THBS3: variants seen among roughly 807,000 people sequenced by gnomAD.
The protein encoded by THBS3 is thrombospondin 3.
A neutral mutation model predicts 118.3 loss-of-function variants in THBS3; 78 were observed. The observed-to-expected ratio is 0.66, with a 90% CI of 0.55 to 0.80. THBS3 has a LOEUF of 0.80. Among genes scored for constraint, THBS3 ranks in the 30% least tolerant of loss-of-function variants. The pLI is 0.00. For synonymous variants in THBS3, 427 were observed against 475.3 expected (o/e 0.90, Z 1.32); for missense variants, 1,057 against 1,247.4 (o/e 0.85, Z 2.30).
intron 17 of THBS3, 94 bp from the exon 18 acceptor site, chr1:155,198,314 C>T (rs1345846588): frequency 4.4e-6 from 7 of 1,585,820 alleles, no homozygotes; most frequent in African/African-American, 1.3e-5. Context: ...GACATCTTTC[C>T]CCACCTTGCC....
Position 155,206,350 on chromosome 1 carries a change from T to A in THBS3, c.136A>T (p.Ile46Phe). ...CCAGCAGTGAGCAAGGCTGTCCGGATCTTCTCTGCCACAGCTACCATCTGC... is the reference window on the plus strand; with the variant it reads ...CCAGCAGTGAGCAAGGCTGTCCGGAACTTCTCTGCCACAGCTACCATCTGC... ...SRQMVAVAEK[I>F]RTALLTAGDI... Residue 46 changes from isoleucine (I) to phenylalanine (F), a missense_variant, in exon 2 of 23, where the codon ATC becomes TTC. Physicochemically the swap from Ile to Phe is conservative, Grantham distance 21. This residue lies in a region of THBS3 where 206 missense variants were observed against 205.7 expected (regional missense o/e 1.00). Coordinates refer to ENST00000368378, the MANE Select transcript of THBS3 (RefSeq NM_007112.5). The surrounding 1 kb of genome is among the most constrained non-coding windows in gnomAD (Gnocchi z 4.2). 1 of 1,614,110 alleles carries A rather than the reference T, an allele frequency of 6.2e-7. No homozygotes were observed. Among genetic ancestry groups the A allele is most frequent in the Non-Finnish European group, 8.5e-7 (1 of 1,179,972 alleles).
chr1:155,197,684 CA>C lies in THBS3; in HGVS notation c.2303-26del, dbSNP rs770512306. ...CCTGGGGTGGGGGTGGGATAAAGGT[CA>C]GGGGCAGCAAAGCTACTGGCGGCCC... is the stretch of plus-strand genomic sequence containing the variant. On this transcript the variant is annotated intron_variant, in intron 19 of 22. Transcript: ENST00000368378. This position sits in a 1 kb window ranked among gnomAD's most constrained non-coding sequence, Gnocchi z 5.0. The C allele has an allele frequency of 6.2e-6, 10 of 1,608,700 alleles. No individual in the cohort carries two copies. Among genetic ancestry groups the C allele is most frequent in the Non-Finnish European group, 8.5e-6 (10 of 1,175,692 alleles).
intron 5 of THBS3, 96 bp downstream of exon 5, chr1:155,203,417 T>C: frequency 6.3e-7 from 1 of 1,590,078 alleles, no homozygotes; most frequent in Non-Finnish European, 8.6e-7. Flanking sequence ...TTAAACCTAC[T>C]ACATTCCTGA....
chr1:155,198,819 G>A (rs2147930769), intron 16 of THBS3: 2 of 552,370 alleles, frequency 3.6e-6, no homozygotes, highest in East Asian at 3.0e-5. Context: ...ATCATAGAAG[G>A]AATTTAGAAT....
intron 10 of THBS3, 89 bp downstream of exon 10, chr1:155,201,868 G>A: frequency 2.5e-6 from 4 of 1,577,040 alleles, no homozygotes; most frequent in Non-Finnish European, 2.6e-6. Context: ...AGGAGGAAAG[G>A]CAGCAGGAAA....
chr1:155,200,587 G>A lies in THBS3; in HGVS notation c.1572C>T (p.Asn524=). Residue 524 remains asparagine (N), a synonymous_variant, in exon 14 of 23, where the codon AAC becomes AAT. Transcript: ENST00000368378. ...CTGTATCTGAGTTCTGCTGGTCTTTGTTGGGGAACAGCCGGCAGTTGTCCT... is the reference window on the plus strand; with the variant it reads ...CTGTATCTGAGTTCTGCTGGTCTTTATTGGGGAACAGCCGGCAGTTGTCCT... The part of the protein sequence containing the change: ...NVEDNCRLFP[N]KDQQNSDTDS... 1 of 1,614,128 alleles carries A rather than the reference G, an allele frequency of 6.2e-7. No individual in the cohort carries two copies. Among genetic ancestry groups the A allele is most frequent in the Non-Finnish European group, 8.5e-7 (1 of 1,180,004 alleles).
intron 1 of THBS3, among the ~76,000 whole-genome samples, chr1:155,207,379 C>T (rs1177302946): frequency 1.3e-5 from 2 of 152,348 alleles, no homozygotes; most frequent in African/African-American, 2.4e-5. Flanking sequence ...ACCAGACCTC[C>T]GGGAGAGCCC....
Position 155,202,092 on chromosome 1 carries a change from AGAG to A in THBS3, c.1099-61_1099-59del, listed in dbSNP as rs1402780585. 1 of 1,613,710 alleles carries A rather than the reference AGAG, an allele frequency of 6.2e-7. No homozygotes were observed. Among genetic ancestry groups the A allele is most frequent in the Non-Finnish European group, 8.5e-7 (1 of 1,179,924 alleles). The stretch of plus-strand genomic sequence containing the variant: ...TATGGTGGGTCTCCTCAGATACAGC[AGAG>A]GACACTGGTATGGCCTTATCTGTGA... On this transcript the variant is annotated intron_variant, in intron 9 of 22. Coordinates refer to ENST00000368378, the MANE Select transcript of THBS3 (RefSeq NM_007112.5). The surrounding 1 kb of genome is among the most constrained non-coding windows in gnomAD (Gnocchi z 5.5).
intron 2 of THBS3, chr1:155,205,524 T>G (rs1485495798): frequency 1.5e-6 from 1 of 661,352 alleles, no homozygotes; most frequent in Non-Finnish European, 2.5e-6. Flanking sequence ...ACACCTGTAA[T>G]CCCAGCACTT....
Position 155,205,131 on chromosome 1 carries a change from C to A in THBS3, c.472G>T (p.Ala158Ser). Reference sequence around the variant, plus strand: ...TCGACCTCCGCTGGAGGAATGGGGGCCAGTGCTGGAAGGCCTGCATGTTGG... The same window carrying A: ...TCGACCTCCGCTGGAGGAATGGGGGACAGTGCTGGAAGGCCTGCATGTTGG... ...GDQHAGLPAL[A>S]PIPPAEVDGL... is the part of the protein sequence containing the mutation. Residue 158 changes from alanine to serine, a missense_variant, in exon 3 of 23, where the codon GCC (alanine) becomes TCC (serine). This residue lies in a region of THBS3 where 206 missense variants were observed against 205.7 expected (regional missense o/e 1.00). Coordinates refer to ENST00000368378, the MANE Select transcript of THBS3 (RefSeq NM_007112.5). 6.2e-7 allele frequency: 1 copy of A among 1,614,168 alleles called. No individual in the cohort carries two copies. Among genetic ancestry groups the A allele is most frequent in the Non-Finnish European group, 8.5e-7 (1 of 1,180,052 alleles).
chr1:155,197,827 C>T lies in THBS3; in HGVS notation c.2302+53G>A. The T allele has an allele frequency of 6.2e-7, 1 of 1,612,514 alleles. No individual in the cohort carries two copies. Among genetic ancestry groups the T allele is most frequent in the Non-Finnish European group, 8.5e-7 (1 of 1,178,708 alleles). ...GTCTGTTTCCTCCCCTACCCTCTGC[C>T]CCTATAGGATTCCTCCATTTGGAAG... On this transcript the variant is annotated intron_variant, in intron 19 of 22. Transcript: ENST00000368378. This position sits in a 1 kb window ranked among gnomAD's most constrained non-coding sequence, Gnocchi z 5.0.
At chr1:155,195,940 T>C (rs752226695) in intron 22 of THBS3, 41 bp from the exon 23 acceptor site, 1 of 1,614,168 alleles carries the variant, frequency 6.2e-7, no homozygotes, top group Non-Finnish European at 8.5e-7. Flanking sequence ...GATGTGGCTC[T>C]CCCACAAGGC....
chr1:155,203,230 C>G lies in THBS3; in HGVS notation c.749G>C (p.Arg250Pro), dbSNP rs144852544. Reference sequence around the variant, plus strand: ...TCGCCAGCCCACCCAAACCTGGTCTCGTATATCATCCCGCAGCTCCACCAG... The same window carrying G: ...TCGCCAGCCCACCCAAACCTGGTCTGGTATATCATCCCGCAGCTCCACCAG... ...QILVELRDDI[R>P]DQVKEMSLIR... Residue 250 changes from arginine (R) to proline (P), a missense_variant, in exon 6 of 23, where the codon CGA (arginine) becomes CCA (proline). By Grantham distance (103) the Arg-to-Pro change is moderately radical (BLOSUM62 -2). Transcript: ENST00000368378. The G allele has an allele frequency of 2.5e-6, 4 of 1,614,058 alleles. No homozygotes were observed. Among genetic ancestry groups the G allele is most frequent in the Non-Finnish European group, 3.4e-6 (4 of 1,180,038 alleles).
chr1:155,204,220 C>T lies in THBS3; in HGVS notation c.646+635G>A, dbSNP rs1292019272. On this transcript the variant is annotated intron_variant, in intron 4 of 22. Transcript: ENST00000368378. ...TATTTAGGTGAGAGCTTCTGAACAT[C>T]CCTGTCAGAGAGACCAGGCAGATGG... Among the ~76,000 whole-genome samples the T allele has an allele frequency of 2.6e-5, 4 of 152,190 alleles. No homozygotes were observed. In the East Asian group the frequency reaches 7.7e-4, roughly 29 times the overall value.
chr1:155,198,672 G>C, intron 16 of THBS3, 70 bp from the exon 17 acceptor site: 1 of 1,500,628 alleles, frequency 6.7e-7, no homozygotes. Context: ...GCTTCTGCCT[G>C]GGAGTCTCTG....
At chr1:155,201,918 TC>T in intron 10 of THBS3, 38 bp downstream of exon 10, 11 of 1,612,804 alleles carry the variant, frequency 6.8e-6, no homozygotes, top group Non-Finnish European at 9.3e-6. Context: ...GTTTTACCAT[TC>T]CCACCACCCC....
chr1:155,208,033 G>A, upstream of THBS3: 1 of 623,184 alleles, frequency 1.6e-6, no homozygotes, highest in South Asian at 1.9e-5. Context: ...CAATCACCCT[G>A]GAGGCATCAT....
At position 155,197,369 on chromosome 1, in the gene THBS3, A is replaced by G. The variant is rs1668845870; in HGVS notation, c.2499+94T>C. 4.6e-6 allele frequency: 7 copies of G among 1,536,596 alleles called. No individual in the cohort carries two copies. The South Asian group carries it at 4.7e-5, about 10-fold the overall frequency. ...CCTCCAAGCCAGATGTCTGGGTAAG[A>G]GGGTTCCCAGTCAAGCAGTGGGGGA... is the stretch of plus-strand genomic sequence containing the variant. On this transcript the variant is annotated intron_variant, in intron 20 of 22. Transcript: ENST00000368378. The surrounding 1 kb of genome is among the most constrained non-coding windows in gnomAD (Gnocchi z 5.0).
At chr1:155,200,631 G>A (rs767206473) in intron 13 of THBS3, 21 bp from the exon 14 acceptor site, 1 of 1,612,044 alleles carries the variant, frequency 6.2e-7, no homozygotes. Flanking sequence ...GGGTGGGAGG[G>A]GAAGGGTCAG....
Sources: allele counts gnomAD v4.1 joint callset (sites outside exome capture counted in the v4.1 genomes callset), GRCh38; gene constraint gnomAD v4.1.1; regional missense constraint gnomAD v4.1.1; non-coding constraint Gnocchi (gnomAD v3.1); transcripts MANE v1.5; gene names NCBI Gene and HGNC (gene_info 2026-07-23, HGNC 2026-07-21).